Variants in TOX3 observed in about 807,000 individuals in gnomAD.
TOX3 encodes the protein TOX high mobility group box family member 3.
A neutral mutation model predicts 64.3 loss-of-function variants in TOX3; 22 were observed. That is an observed-to-expected ratio of 0.34 (90% CI 0.24 to 0.49). The LOEUF is 0.49. TOX3 is among the 20% of genes least tolerant of loss of function. The probability of loss-of-function intolerance (pLI) is 0.99; values close to 1 mark genes in which losing one functional copy is unlikely to be tolerated. For synonymous variants in TOX3, 291 were observed against 273.6 expected (o/e 1.06, Z -0.63); for missense variants, 661 against 714.4 (o/e 0.93, Z 0.85).
At chr16:52,541,523 A>G (rs1322270387) in intron 1 of TOX3, among the ~76,000 whole-genome samples, 1 of 152,210 alleles carries the variant, frequency 6.6e-6, no homozygotes, top group African/African-American at 2.4e-5. Context: ...CCAGATGTCT[A>G]AAGAAAAGCT....
chr16:52,509,073 A>G (rs1248284349), intron 1 of TOX3, among the ~76,000 whole-genome samples: 1 of 152,152 alleles, frequency 6.6e-6, no homozygotes, highest in Non-Finnish European at 1.5e-5. Context: ...TTCTACTTTG[A>G]GTGTCTTTCT....
At chr16:52,519,175 C>T (rs898924526) in intron 1 of TOX3, among the ~76,000 whole-genome samples, 3 of 152,214 alleles carry the variant, frequency 2.0e-5, no homozygotes, top group African/African-American at 7.2e-5. Flanking sequence ...AATCCGTCTT[C>T]AGTTATCTAC....
At chr16:52,505,481 C>A (rs1445840608) in intron 1 of TOX3, among the ~76,000 whole-genome samples, 1 of 152,164 alleles carries the variant, frequency 6.6e-6, no homozygotes, top group Non-Finnish European at 1.5e-5. Context: ...AATTCGGAAG[C>A]ATAGGAATAA....
chr16:52,499,829 G>C (rs1302014282), intron 1 of TOX3, among the ~76,000 whole-genome samples: 1 of 152,180 alleles, frequency 6.6e-6, no homozygotes, highest in Non-Finnish European at 1.5e-5. Context: ...GCCACCCTAG[G>C]TACAAGGAAA....
At chr16:52,442,347 C>A (rs1336939475) in intron 6 of TOX3, among the ~76,000 whole-genome samples, 1 of 152,214 alleles carries the variant, frequency 6.6e-6, no homozygotes, top group African/African-American at 2.4e-5. Flanking sequence ...TGAACTCTCA[C>A]TCCCTGTAAG....
At position 52,450,260 on chromosome 16, in the gene TOX3, A is replaced by C. The variant is rs777188798; in HGVS notation, c.678+17T>G. On this transcript the variant is annotated intron_variant, in intron 4 of 6. Transcript: ENST00000219746. ...ATATTCTCTGGCAGGTTACACACTA[A>C]GGCAGTTCTAACTTACTCTGTTGGC... The C allele has an allele frequency of 5.0e-6, 8 of 1,613,782 alleles. No individual in the cohort carries two copies. Among genetic ancestry groups the C allele is most frequent in the Non-Finnish European group, 5.9e-6 (7 of 1,179,800 alleles).
chr16:52,507,743 C>T (rs1962196801), intron 1 of TOX3, among the ~76,000 whole-genome samples: 1 of 152,152 alleles, frequency 6.6e-6, no homozygotes, highest in Non-Finnish European at 1.5e-5. Flanking sequence ...AAGTCAGATA[C>T]TGAGAAGTGA....
intron 1 of TOX3, among the ~76,000 whole-genome samples, chr16:52,507,481 T>C (rs911516822): frequency 6.6e-6 from 1 of 152,238 alleles, no homozygotes; most frequent in Non-Finnish European, 1.5e-5. Context: ...TTAAAGAATA[T>C]AAGTTCTCTG....
chr16:52,491,030 T>C (rs1288530819), intron 1 of TOX3, among the ~76,000 whole-genome samples: 1 of 152,196 alleles, frequency 6.6e-6, no homozygotes, highest in Non-Finnish European at 1.5e-5. Flanking sequence ...AGTCTGATCA[T>C]ACATGTCACT....
At chr16:52,527,874 C>T (rs551363643) in intron 1 of TOX3, among the ~76,000 whole-genome samples, 2 of 152,232 alleles carry the variant, frequency 1.3e-5, no homozygotes, top group South Asian at 2.1e-4. Flanking sequence ...AACCAGGGGA[C>T]GTTCGGCAAT....
chr16:52,440,752 C>CT (rs60615310), intron 6 of TOX3, among the ~76,000 whole-genome samples: 2,911 of 66,508 alleles, frequency 0.044, 309 homozygotes, highest in African/African-American at 0.086. Context: ...TTCTTTCTTT[C>CT]TTTTTTTTTT....
chr16:52,504,014 A>G (rs1962081843), intron 1 of TOX3, among the ~76,000 whole-genome samples: 1 of 152,218 alleles, frequency 6.6e-6, no homozygotes, highest in South Asian at 2.1e-4. Context: ...GCATGAGATG[A>G]GATATTTAAT....
intron 1 of TOX3, among the ~76,000 whole-genome samples, chr16:52,488,082 T>C (rs1367763105): frequency 6.6e-6 from 1 of 152,206 alleles, no homozygotes; most frequent in African/African-American, 2.4e-5. Flanking sequence ...CTGTGCTTTC[T>C]GCATATGGAT....
At chr16:52,474,123 CCA>C (rs138656308) in intron 1 of TOX3, among the ~76,000 whole-genome samples, 8,689 of 152,136 alleles carry the variant, frequency 0.057, 384 homozygotes, top group African/African-American at 0.12. Flanking sequence ...CCTGCTCCAC[CCA>C]CAGTCTTTGA....
intron 1 of TOX3, among the ~76,000 whole-genome samples, chr16:52,489,781 AC>A (rs1172064382): frequency 6.6e-6 from 1 of 152,162 alleles, no homozygotes; most frequent in Non-Finnish European, 1.5e-5. Flanking sequence ...ATATGCTCCC[AC>A]CCAGAAATCA....
At chr16:52,504,763 T>C (rs1469992619) in intron 1 of TOX3, among the ~76,000 whole-genome samples, 2 of 151,554 alleles carry the variant, frequency 1.3e-5, no homozygotes, top group African/African-American at 4.9e-5. Flanking sequence ...AAGTGGTGAG[T>C]GGAGATGAAA....
chr16:52,519,921 T>TGGTCACACC (rs1255359525), intron 1 of TOX3, among the ~76,000 whole-genome samples: 1 of 150,668 alleles, frequency 6.6e-6, no homozygotes, highest in Non-Finnish European at 1.5e-5. Context: ...CAGTGAGCAC[T>TGGTCACACC]GGTCACACCA....
Position 52,439,635 on chromosome 16 carries a change from G to A in TOX3, c.1321C>T (p.His441Tyr). Residue 441 changes from histidine to tyrosine, a missense_variant, in exon 7 of 7, where the codon CAT becomes TAT. His to Tyr is a moderately conservative substitution (Grantham distance 83). Coordinates refer to ENST00000219746, the MANE Select transcript of TOX3 (RefSeq NM_001080430.4). The part of the protein sequence containing the change: ...QVSPSVQTQQ[H>Y]QMQLQQQQQQ... ...TGCTGCTGCTGCAATTGCATCTGAT[G>A]CTGCTGGGTTTGCACCGAAGGACTC... 7 of 1,613,854 alleles carry A rather than the reference G, an allele frequency of 4.3e-6. No homozygotes were observed. Among genetic ancestry groups the A allele is most frequent in the Non-Finnish European group, 5.9e-6 (7 of 1,179,780 alleles).
chr16:52,476,366 A>G (rs1961207590), intron 1 of TOX3, among the ~76,000 whole-genome samples: 1 of 152,242 alleles, frequency 6.6e-6, no homozygotes, highest in African/African-American at 2.4e-5. Flanking sequence ...ACTAGTTAAA[A>G]GTGGCAAAAA....
Sources: allele counts gnomAD v4.1 joint callset (sites outside exome capture counted in the v4.1 genomes callset), GRCh38; gene constraint gnomAD v4.1.1; transcripts MANE v1.5; gene names NCBI Gene and HGNC (gene_info 2026-07-23, HGNC 2026-07-21).